The following EPHB6 variants were observed in gnomAD, a reference collection of about 807,000 sequenced individuals.
EPHB6 encodes the protein EPH receptor B6, also known as ephrin type-B receptor 6.
Under a neutral mutation model 107.0 loss-of-function variants are expected in EPHB6, and 51 were observed. That is an observed-to-expected ratio of 0.48 (90% CI 0.38 to 0.60). The LOEUF is 0.60. Among genes scored for constraint, EPHB6 ranks in the 20% least tolerant of loss-of-function variants. EPHB6 has a pLI of 0.00. For synonymous variants in EPHB6, 553 were observed against 549.0 expected (o/e 1.01, Z -0.10); for missense variants, 1,141 against 1,355.5 (o/e 0.84, Z 2.48).
Position 142,863,268 on chromosome 7 carries a change from C to T in EPHB6, c.41C>T (p.Ala14Val), listed in dbSNP as rs200527751. The change falls in exon 5 of 20, where the codon GCG (alanine) becomes GTG (valine). Residue 14 changes from alanine (A) to valine (V), a missense_variant. By Grantham distance (64) the Ala-to-Val change is moderately conservative (BLOSUM62 0). Coordinates refer to ENST00000652003, the MANE Select transcript of EPHB6 (RefSeq NM_004445.6). ...EGAAQLGNRVAGMVCSLWVLL... is the reference protein window; with the variant it reads ...EGAAQLGNRVVGMVCSLWVLL... ...GCTGCCCAGTTAGGGAACAGAGTGGCGGGCATGGTGTGTAGCCTATGGGTG... is the reference window on the plus strand; with the variant it reads ...GCTGCCCAGTTAGGGAACAGAGTGGTGGGCATGGTGTGTAGCCTATGGGTG... 2.4e-5 allele frequency: 38 copies of T among 1,613,506 alleles called. No individual in the cohort carries two copies. The highest frequency in any genetic ancestry group is 1.5e-4 in the South Asian group (14 of 90,892).
chr7:142,863,354 C>A, intron 5 of EPHB6, 27 bp downstream of exon 5: 1 of 1,600,638 alleles, frequency 6.2e-7, no homozygotes, highest in South Asian at 1.1e-5. Context: ...ACAGGAGAAC[C>A]CAGACCTGCC....
At position 142,863,612 on chromosome 7, in the gene EPHB6, C is replaced by G; in HGVS notation, c.101-19C>G. ...GGCTGGAGGCTTGGCCACTGTGTGC[C>G]CCTCTTATTTCTGGGCAGAGGTATT... On this transcript the variant is annotated intron_variant, in intron 5 of 19. Coordinates refer to ENST00000652003, the MANE Select transcript of EPHB6 (RefSeq NM_004445.6). 6.2e-7 allele frequency: 1 copy of G among 1,613,232 alleles called. No homozygotes were observed. The highest frequency in any genetic ancestry group is 1.3e-5 in the African/African-American group (1 of 74,966).
At chr7:142,865,937 T>C (rs759757411) in intron 8 of EPHB6, 23 bp from the exon 9 acceptor site, 6 of 1,611,424 alleles carry the variant, frequency 3.7e-6, no homozygotes, top group Non-Finnish European at 5.1e-6. Context: ...GCCCTTGGAC[T>C]GCCATATCCT....
At position 142,867,652 on chromosome 7, in the gene EPHB6, G is replaced by C. The variant is rs750258746; in HGVS notation, c.1795G>C (p.Gly599Arg). 24 of 1,613,434 alleles carry C rather than the reference G, an allele frequency of 1.5e-5. No homozygotes were observed. Among genetic ancestry groups the C allele is most frequent in the Non-Finnish European group, 1.9e-5 (22 of 1,179,966 alleles). Residue 599 changes from glycine to arginine, a missense_variant, in exon 12 of 20, where the codon GGC (glycine) becomes CGC (arginine). Coordinates refer to ENST00000652003, the MANE Select transcript of EPHB6 (RefSeq NM_004445.6). This position sits in a 1 kb window ranked among gnomAD's most constrained non-coding sequence, Gnocchi z 5.3. ...QLPERLSLVI[G>R]SILGALAFLL... The stretch of plus-strand genomic sequence containing the variant: ...TCCAGAAAGACTCTCCTTGGTGATC[G>C]GCTCCATCCTGGGGGCTTTGGCCTT...
Position 142,868,285 on chromosome 7 carries a change from C to A in EPHB6, c.1963C>A (p.Pro655Thr). The A allele has an allele frequency of 2.5e-6, 4 of 1,614,166 alleles. No individual in the cohort carries two copies. Among genetic ancestry groups the A allele is most frequent in the Non-Finnish European group, 3.4e-6 (4 of 1,180,016 alleles). The change falls in exon 14 of 20, where the codon CCC becomes ACC. Residue 655 changes from proline (P) to threonine (T), a missense_variant. By Grantham distance (38) the Pro-to-Thr change is conservative (BLOSUM62 -1). Coordinates refer to ENST00000652003, the MANE Select transcript of EPHB6 (RefSeq NM_004445.6). This position sits in a 1 kb window ranked among gnomAD's most constrained non-coding sequence, Gnocchi z 4.2. ...CATCGACCCCTCCACCTACGAGGAC[C>A]CCTGTCAGGCCATCCGAGAACTTGC... Reference protein sequence around the residue: ...YYIDPSTYEDPCQAIRELARE... With the variant: ...YYIDPSTYEDTCQAIRELARE...
In EPHB6 at chr7:142,868,424, G is replaced by GC. The variant is rs1402934920; in HGVS notation, c.2038+64_2038+65insC. ...TCCCTTGTGGCCTCCGCTGGCCAGA[G>GC]TCCCATCCAAACACAGCAGGACGCT... On this transcript the variant is annotated intron_variant, in intron 14 of 19. Transcript: ENST00000652003. The surrounding 1 kb of genome is among the most constrained non-coding windows in gnomAD (Gnocchi z 4.2). 6.2e-7 allele frequency: 1 copy of GC among 1,613,854 alleles called. No individual in the cohort carries two copies. The highest frequency in any genetic ancestry group is 8.5e-7 in the Non-Finnish European group (1 of 1,179,888).
At chr7:142,865,687 G>T in intron 8 of EPHB6, 57 bp downstream of exon 8, 1 of 1,595,316 alleles carries the variant, frequency 6.3e-7, no homozygotes, top group Non-Finnish European at 8.5e-7. Context: ...GGCCAGAAGT[G>T]GGGGTAGCAG....
chr7:142,866,439 A>C lies in EPHB6; in HGVS notation c.1463-42A>C. 6.2e-7 allele frequency: 1 copy of C among 1,613,456 alleles called. No individual in the cohort carries two copies. The highest frequency in any genetic ancestry group is 1.1e-5 in the South Asian group (1 of 91,074). ...TCCCCTCAAGGCTGATCCTGCTCCC[A>C]GGGACTCCTATCCCCATAATAATTT... On this transcript the variant is annotated intron_variant, in intron 9 of 19. Transcript: ENST00000652003. This position sits in a 1 kb window ranked among gnomAD's most constrained non-coding sequence, Gnocchi z 5.2.
At position 142,865,518 on chromosome 7, in the gene EPHB6, C is replaced by T; in HGVS notation, c.993C>T (p.Pro331=). ...ATAAGGCTTCTGCTGGGAATGCTCC[C>T]TGCTCACCATGCCCTGCCCGCAGTC... is the stretch of plus-strand genomic sequence containing the variant. ...GLYKASAGNA[P]CSPCPARSHA... Residue 331 remains proline, a synonymous_variant, in exon 8 of 20, where the codon CCC becomes CCT. Coordinates refer to ENST00000652003, the MANE Select transcript of EPHB6 (RefSeq NM_004445.6). 2.5e-6 allele frequency: 4 copies of T among 1,613,410 alleles called. No homozygotes were observed. The highest frequency in any genetic ancestry group is 3.4e-6 in the Non-Finnish European group (4 of 1,179,936).
In EPHB6 at chr7:142,863,186, G is replaced by A; in HGVS notation, c.-42G>A. On this transcript the variant is annotated 5_prime_UTR_variant, in exon 5 of 20. Coordinates refer to ENST00000652003, the MANE Select transcript of EPHB6 (RefSeq NM_004445.6). ...AAAGCTGCAGCCCCACCCAGGAGCA[G>A]GGTGGTGGCTGGGGCGATGGTGGAC... 1 of 1,572,670 alleles carries A rather than the reference G, an allele frequency of 6.4e-7. No individual in the cohort carries two copies. The highest frequency in any genetic ancestry group is 8.7e-7 in the Non-Finnish European group (1 of 1,143,348).
intron 3 of EPHB6, 149 bp downstream of exon 3, chr7:142,862,282 G>T (rs755040312): frequency 6.6e-6 from 1 of 152,112 alleles, no homozygotes; most frequent in African/African-American, 2.4e-5. Context: ...ATGAATGGAG[G>T]GGGGGCACAA....
At position 142,869,860 on chromosome 7, in the gene EPHB6, C is replaced by T. The variant is rs146459415; in HGVS notation, c.2504C>T (p.Ala835Val). 1.7e-5 allele frequency: 28 copies of T among 1,614,046 alleles called. No homozygotes were observed. In the Admixed American group the frequency reaches 2.8e-4, roughly 16 times the overall value. ...LLRWAAPEVIAHGKHTTSSDV... is the reference protein window; with the variant it reads ...LLRWAAPEVIVHGKHTTSSDV... The stretch of plus-strand genomic sequence containing the variant: ...CGCTGGGCAGCCCCAGAGGTCATTG[C>T]ACATGGAAAGCATACAACATCCAGT... Residue 835 changes from alanine to valine, a missense_variant, in exon 17 of 20, where the codon GCA becomes GTA. Physicochemically the swap from Ala to Val is moderately conservative, Grantham distance 64 (BLOSUM62 0). This residue lies in a region of EPHB6 where 616 missense variants were observed against 759.3 expected (regional missense o/e 0.81). Coordinates refer to ENST00000652003, the MANE Select transcript of EPHB6 (RefSeq NM_004445.6). The surrounding 1 kb of genome is among the most constrained non-coding windows in gnomAD (Gnocchi z 4.5).
chr7:142,868,697 G>A lies in EPHB6; in HGVS notation c.2244G>A (p.Leu748=), dbSNP rs1794740285. 3.1e-6 allele frequency: 5 copies of A among 1,613,884 alleles called. No individual in the cohort carries two copies. The African/African-American group carries it at 6.7e-5, about 22-fold the overall frequency. The change falls in exon 15 of 20, where the codon CTG becomes CTA. Residue 748 remains leucine (L), a synonymous_variant. Transcript: ENST00000652003. The surrounding 1 kb of genome is among the most constrained non-coding windows in gnomAD (Gnocchi z 4.2). ...VVTKSRPLMV[L]TEFMELGPLD... The stretch of plus-strand genomic sequence containing the variant: ...CCAAGAGCCGACCCCTCATGGTGCT[G>A]ACGGAGTTCATGGAGCTTGGCCCCC...
chr7:142,863,606 G>GTGTGCCCCTCTTA, intron 5 of EPHB6, 25 bp from the exon 6 acceptor site: 1 of 1,613,004 alleles, frequency 6.2e-7, no homozygotes, highest in Non-Finnish European at 8.5e-7. Flanking sequence ...CTTGGCCACT[G>GTGTGCCCCTCTTA]TGTGCCCCTC....
rs1181939507 is a variant in EPHB6, at chr7:142,863,708, C to CT, written c.165+14dup. 1 of 1,613,440 alleles carries CT rather than the reference C, an allele frequency of 6.2e-7. No homozygotes were observed. The highest frequency in any genetic ancestry group is 1.1e-5 in the South Asian group (1 of 91,052). On this transcript the variant is annotated intron_variant, in intron 6 of 19. Transcript: ENST00000652003. ...CCCACCAGGGGGGGTGAGTGCCACT[C>CT]TAATTCTGAACCTGAATCCCTTGGC...
chr7:142,862,580 A>G (rs1802892155), intron 3 of EPHB6, among the ~76,000 whole-genome samples, 176 bp from the exon 4 acceptor site: 1 of 152,020 alleles, frequency 6.6e-6, no homozygotes, highest in African/African-American at 2.4e-5. Flanking sequence ...CATACCCCAC[A>G]GCCATCTTCC....
chr7:142,868,444 G>A lies in EPHB6; in HGVS notation c.2039-48G>A. On this transcript the variant is annotated intron_variant, in intron 14 of 19. Coordinates refer to ENST00000652003, the MANE Select transcript of EPHB6 (RefSeq NM_004445.6). The surrounding 1 kb of genome is among the most constrained non-coding windows in gnomAD (Gnocchi z 4.2). Reference sequence around the variant, plus strand: ...CCAGAGTCCCATCCAAACACAGCAGGACGCTGTGAGCCTTGATCCCCACCC... The same window carrying A: ...CCAGAGTCCCATCCAAACACAGCAGAACGCTGTGAGCCTTGATCCCCACCC... 1.2e-6 allele frequency: 2 copies of A among 1,614,144 alleles called. No homozygotes were observed. The highest frequency in any genetic ancestry group is 1.7e-6 in the Non-Finnish European group (2 of 1,180,010).
At position 142,866,824 on chromosome 7, in the gene EPHB6, C is replaced by T; in HGVS notation, c.1588-82C>T. 1 of 1,610,068 alleles carries T rather than the reference C, an allele frequency of 6.2e-7. No homozygotes were observed. On this transcript the variant is annotated intron_variant, in intron 10 of 19. Transcript: ENST00000652003. The surrounding 1 kb of genome is among the most constrained non-coding windows in gnomAD (Gnocchi z 5.2). ...GCATGTGTCTGAGAGCCCTGTCAAC[C>T]AGGGAGGGTGGCTGGGGGCCTTAGG...
intron 2 of EPHB6, 52 bp downstream of exon 2, chr7:142,861,238 A>T (rs919594302): frequency 3.3e-5 from 5 of 152,182 alleles, no homozygotes; most frequent in African/African-American, 1.2e-4. Context: ...GTACCTTCTG[A>T]AGGCACAGGA....
Sources: allele counts gnomAD v4.1 joint callset (sites outside exome capture counted in the v4.1 genomes callset), GRCh38; gene constraint gnomAD v4.1.1; regional missense constraint gnomAD v4.1.1; non-coding constraint Gnocchi (gnomAD v3.1); transcripts MANE v1.5; gene names NCBI Gene and HGNC (gene_info 2026-07-23, HGNC 2026-07-21).